The following ZMYM4 variants were observed in gnomAD, a reference collection of about 807,000 sequenced individuals.
The protein encoded by ZMYM4 is zinc finger MYM-type protein 4.
A neutral mutation model predicts 183.2 loss-of-function variants in ZMYM4; 31 were observed. That is an observed-to-expected ratio of 0.17 (90% CI 0.13 to 0.23). The LOEUF (loss-of-function observed/expected upper bound fraction) is 0.23, where lower values mean the gene tolerates loss of function less well. Among genes scored for constraint, ZMYM4 ranks in the 10% least tolerant of loss-of-function variants. The probability of loss-of-function intolerance (pLI) is 1.00; values close to 1 mark genes in which losing one functional copy is unlikely to be tolerated. For missense variants in ZMYM4, 1,273 were observed against 1,840.3 expected, an observed-to-expected ratio of 0.69 and a Z score of 5.64; for synonymous variants, 592 against 631.2, an observed-to-expected ratio of 0.94 and a Z score of 0.93.
rs1474077730 is a variant in ZMYM4 at position 35,389,379 on chromosome 1, A to G, written c.2436+297A>G. Among the ~76,000 whole-genome samples, 1 of 152,202 alleles carries G rather than the reference A, an allele frequency of 6.6e-6. No homozygotes were observed. The highest frequency in any genetic ancestry group is 1.5e-5 in the Non-Finnish European group (1 of 68,040). On this transcript the variant is annotated intron_variant, in intron 14 of 29. Coordinates refer to ENST00000314607, the MANE Select transcript of ZMYM4 (RefSeq NM_005095.3). The surrounding 1 kb of genome is among the most constrained non-coding windows in gnomAD (Gnocchi z 4.0). The stretch of plus-strand genomic sequence containing the variant: ...ATTTGTCTTCTGAAGTCTGAGGAAG[A>G]TAGACCTTATTTTTATTTCACTTTG...
chr1:35,314,102 T>G (rs370061575), intron 1 of ZMYM4, among the ~76,000 whole-genome samples: 104 of 152,332 alleles, frequency 6.8e-4, no homozygotes, highest in African/African-American at 2.0e-3. Flanking sequence ...TTTTATAATT[T>G]ACATCATGTT....
At chr1:35,300,582 T>C (rs1298559365) in intron 1 of ZMYM4, among the ~76,000 whole-genome samples, 3 of 152,212 alleles carry the variant, frequency 2.0e-5, no homozygotes, top group Non-Finnish European at 2.9e-5. Context: ...CATAGCTCAC[T>C]AATTTTCTTT....
chr1:35,311,322 T>C (rs1641787143), intron 1 of ZMYM4, among the ~76,000 whole-genome samples: 1 of 151,024 alleles, frequency 6.6e-6, no homozygotes, highest in South Asian at 2.1e-4. Context: ...CTCAAGAGGC[T>C]GAGGCATGAG....
chr1:35,292,865 G>A lies in ZMYM4; in HGVS notation c.39+23780G>A, dbSNP rs1370304059. Among the ~76,000 whole-genome samples the A allele has an allele frequency of 2.6e-5, 4 of 151,994 alleles. 1 individual carries two copies. The highest frequency in any genetic ancestry group is 1.3e-4 in the Admixed American group (2 of 15,254). On this transcript the variant is annotated intron_variant, in intron 1 of 29. Coordinates refer to ENST00000314607, the MANE Select transcript of ZMYM4 (RefSeq NM_005095.3). ...AGGGGAGTTCCCCCATTTCCCCACC[G>A]CCTTCCCGCCTTTACAGTATGAAAA...
chr1:35,295,548 C>T (rs983314488), intron 1 of ZMYM4, among the ~76,000 whole-genome samples: 10 of 152,194 alleles, frequency 6.6e-5, no homozygotes, highest in Non-Finnish European at 4.4e-5. Context: ...TCCCTGGTTT[C>T]TATCTACTAG....
intron 23 of ZMYM4, among the ~76,000 whole-genome samples, chr1:35,403,147 T>A (rs185599515): frequency 9.2e-5 from 14 of 152,298 alleles, no homozygotes; most frequent in African/African-American, 3.4e-4. Context: ...TTCCTTTTTT[T>A]AAGTCTGTTA....
intron 1 of ZMYM4, among the ~76,000 whole-genome samples, chr1:35,313,590 G>C: frequency 6.7e-6 from 1 of 149,038 alleles, no homozygotes; most frequent in Non-Finnish European, 1.5e-5. Context: ...GTTTTCACCA[G>C]GTTGCCCAGG....
intron 1 of ZMYM4, among the ~76,000 whole-genome samples, chr1:35,301,317 C>A (rs190262677): frequency 6.6e-6 from 1 of 151,996 alleles, no homozygotes; most frequent in Non-Finnish European, 1.5e-5. Flanking sequence ...GAGGCCAAGG[C>A]GGGCGGATCA....
rs187203017 is a variant in ZMYM4, at chr1:35,335,761, A to G, written c.85+10356A>G. 8.5e-5 allele frequency among the ~76,000 whole-genome samples: 13 copies of G among 152,102 alleles called. 2 individuals are homozygous for G. The highest frequency in any genetic ancestry group is 2.6e-4 in the African/African-American group (11 of 41,516). On this transcript the variant is annotated intron_variant, in intron 2 of 29. Coordinates refer to ENST00000314607, the MANE Select transcript of ZMYM4 (RefSeq NM_005095.3). ...GAGGTCAGGAGCTCGAGACCATCCT[A>G]GCTAACACGGTGAAACTTTGTCTCT...
chr1:35,380,114 G>T (rs1489428596), intron 7 of ZMYM4, among the ~76,000 whole-genome samples: 1 of 152,146 alleles, frequency 6.6e-6, no homozygotes, highest in African/African-American at 2.4e-5. Context: ...AAAAAGTGCA[G>T]TATCTGTGAA....
Position 35,392,666 on chromosome 1 carries a change from A to C in ZMYM4, c.2748A>C (p.Thr916=). 6.3e-7 allele frequency: 1 copy of C among 1,594,832 alleles called. No homozygotes were observed. Among genetic ancestry groups the C allele is most frequent in the South Asian group, 1.2e-5 (1 of 86,254 alleles). ...SVLQGAVPTV[T]AKIIGDASTQ... is the part of the protein sequence containing the mutation. ...ATCAAGGTGCAGTTCCAACAGTAAC[A>C]GCGAAAATCATCGGTGATGTAAGTT... Residue 916 remains threonine, a synonymous_variant, in exon 17 of 30, where the codon ACA becomes ACC. Coordinates refer to ENST00000314607, the MANE Select transcript of ZMYM4 (RefSeq NM_005095.3).
At chr1:35,409,975 G>A (rs369571186) in intron 26 of ZMYM4, among the ~76,000 whole-genome samples, 16 of 152,054 alleles carry the variant, frequency 1.1e-4, no homozygotes, top group African/African-American at 3.9e-4. Context: ...CAGAATCATG[G>A]CTTATGGTTC....
Position 35,393,733 on chromosome 1 carries a change from C to G in ZMYM4, c.2905C>G (p.Gln969Glu). 6.2e-7 allele frequency: 1 copy of G among 1,606,954 alleles called. No individual in the cohort carries two copies. The highest frequency in any genetic ancestry group is 8.5e-7 in the Non-Finnish European group (1 of 1,176,934). ...ACCACATACCCAAAACAAAGAATGC[C>G]AGACAGGTATGTTCCTTGGTCTTTC... is the stretch of plus-strand genomic sequence containing the variant. ...CKPHTQNKEC[Q>E]TEDTPSQPQI... is the part of the protein sequence containing the mutation. The change falls in exon 18 of 30, where the codon CAG becomes GAG. Residue 969 changes from glutamine (Q) to glutamate (E), a missense_variant. By Grantham distance (29) the Gln-to-Glu change is conservative. This residue lies in a region of ZMYM4 where 290 missense variants were observed against 353.3 expected (regional missense o/e 0.82). Transcript: ENST00000314607.
chr1:35,370,111 T>C lies in ZMYM4; in HGVS notation c.923T>C (p.Leu308Pro), dbSNP rs1358215139. The C allele has an allele frequency of 6.2e-7, 1 of 1,613,252 alleles. No homozygotes were observed. Residue 308 changes from leucine (L) to proline (P), a missense_variant and splice_region_variant, in exon 6 of 30, where the codon CTT becomes CCT. Leu to Pro is a moderately conservative substitution (Grantham distance 98). Around this residue, in one of 6 missense-constraint regions of ZMYM4, gnomAD observed 384 missense variants for 465.6 expected, o/e 0.82. Coordinates refer to ENST00000314607, the MANE Select transcript of ZMYM4 (RefSeq NM_005095.3). ...GTGTTTTCAGTCAGTGGCAGCCCTC[T>C]TGGTAAGAAACAGACCTGAATAAAT... is the stretch of plus-strand genomic sequence containing the variant. ...SAVFSVSGSP[L>P]APQLTTGFQP... is the part of the protein sequence containing the mutation.
chr1:35,414,898 A>T (rs1640052284), intron 27 of ZMYM4, among the ~76,000 whole-genome samples: 1 of 151,928 alleles, frequency 6.6e-6, no homozygotes, highest in African/African-American at 2.4e-5. Flanking sequence ...AATAAAAAAA[A>T]TTAGCTGGGC....
At chr1:35,338,416 G>A (rs1404349577) in intron 2 of ZMYM4, among the ~76,000 whole-genome samples, 1 of 152,174 alleles carries the variant, frequency 6.6e-6, no homozygotes, top group Admixed American at 6.5e-5. Context: ...TGTGAGGGAT[G>A]TGAAACCTGC....
chr1:35,337,301 A>G (rs1643016268), intron 2 of ZMYM4, among the ~76,000 whole-genome samples: 1 of 152,108 alleles, frequency 6.6e-6, no homozygotes, highest in African/African-American at 2.4e-5. Flanking sequence ...GATGGAGGTT[A>G]CAGTGAGCCA....
At chr1:35,306,148 T>C (rs1316617072) in intron 1 of ZMYM4, among the ~76,000 whole-genome samples, 1 of 152,198 alleles carries the variant, frequency 6.6e-6, no homozygotes, top group African/African-American at 2.4e-5. Context: ...GTAGATTGCA[T>C]TTTTTCACTG....
chr1:35,339,005 C>A (rs1643089787), intron 2 of ZMYM4, among the ~76,000 whole-genome samples: 1 of 152,064 alleles, frequency 6.6e-6, no homozygotes, highest in Non-Finnish European at 1.5e-5. Flanking sequence ...TATATTTTAA[C>A]CCCCATTTTA....
Sources: allele counts gnomAD v4.1 joint callset (sites outside exome capture counted in the v4.1 genomes callset), GRCh38; gene constraint gnomAD v4.1.1; regional missense constraint gnomAD v4.1.1; non-coding constraint Gnocchi (gnomAD v3.1); transcripts MANE v1.5; gene names NCBI Gene and HGNC (gene_info 2026-07-23, HGNC 2026-07-21).